PAM: variants seen among roughly 807,000 people sequenced by gnomAD.
PAM encodes the protein peptidyl-glycine alpha-amidating monooxygenase.
A neutral mutation model predicts 122.1 loss-of-function variants in PAM; 72 were observed. That is an observed-to-expected ratio of 0.59 (90% CI 0.49 to 0.72). The LOEUF (loss-of-function observed/expected upper bound fraction) is 0.72. Ranked by LOEUF, PAM falls within the 30% of genes least tolerant of loss-of-function variation. The pLI is 0.00. For missense variants in PAM, 1,106 were observed against 1,183.7 expected (o/e 0.93, Z 0.96); for synonymous variants, 389 against 404.4 (o/e 0.96, Z 0.46).
intron 1 of PAM, among the ~76,000 whole-genome samples, chr5:102,861,302 G>A (rs112311196): frequency 1.3e-4 from 20 of 152,250 alleles, no homozygotes; most frequent in African/African-American, 4.3e-4. Flanking sequence ...ACTATGTTTT[G>A]GGATAATTAG....
chr5:102,902,982 G>A (rs899671446), intron 4 of PAM, among the ~76,000 whole-genome samples: 13 of 151,326 alleles, frequency 8.6e-5, no homozygotes, highest in East Asian at 1.9e-4. Context: ...ATGTGTTTAC[G>A]TTCACATAAT....
chr5:102,786,879 T>A (rs1760691411), intron 1 of PAM, among the ~76,000 whole-genome samples: 1 of 152,160 alleles, frequency 6.6e-6, no homozygotes, highest in Non-Finnish European at 1.5e-5. Flanking sequence ...TATCAAAAGT[T>A]ATAAATAAGA....
chr5:103,025,084 G>GA, intron 23 of PAM, 47 bp from the exon 24 acceptor site: 1 of 1,408,874 alleles, frequency 7.1e-7, no homozygotes. Flanking sequence ...AGGGGGTTTT[G>GA]AAATCTTTGA....
intron 7 of PAM, among the ~76,000 whole-genome samples, chr5:102,944,706 C>T (rs550698697): frequency 1.6e-4 from 24 of 152,236 alleles, no homozygotes; most frequent in Non-Finnish European, 2.9e-4. Context: ...ACATTATCAA[C>T]TTCTTTACGG....
At chr5:102,859,436 A>G (rs1783523923) in intron 1 of PAM, among the ~76,000 whole-genome samples, 2 of 152,078 alleles carry the variant, frequency 1.3e-5, no homozygotes, top group South Asian at 4.2e-4. Flanking sequence ...AGCTTATAGA[A>G]TAAAGATATA....
chr5:102,926,827 A>C (rs558802832), intron 7 of PAM, among the ~76,000 whole-genome samples, 159 bp downstream of exon 7: 2 of 152,278 alleles, frequency 1.3e-5, no homozygotes, highest in African/African-American at 4.8e-5. Flanking sequence ...CTGTTGAAGG[A>C]ATGACTTTTA....
Position 102,998,494 on chromosome 5 carries a change from G to A in PAM, c.1614-4539G>A, listed in dbSNP as rs559673901. Among the ~76,000 whole-genome samples, 34 of 152,270 alleles carry A rather than the reference G, an allele frequency of 2.2e-4. No individual in the cohort carries two copies. The South Asian group carries it at 3.5e-3, about 16-fold the overall frequency. ...ATATAAAGTAGATAGCACTTGGCAA[G>A]AATTATGAATTGGAATTATGAATCA... On this transcript the variant is annotated intron_variant, in intron 16 of 25. Transcript: ENST00000438793.
Position 102,950,778 on chromosome 5 carries a change from G to A in PAM, c.863G>A (p.Cys288Tyr). 2.5e-6 allele frequency: 4 copies of A among 1,611,718 alleles called. No individual in the cohort carries two copies. The highest frequency in any genetic ancestry group is 2.2e-5 in the South Asian group (2 of 91,020). ...VSFGDLLAAR[C>Y]VFTGEGRTEA... ...TTTGGTGACCTACTGGCTGCAAGAT[G>A]TGTATTCACTGGTGAAGGAAGGACA... The change falls in exon 12 of 26, where the codon TGT becomes TAT. Residue 288 changes from cysteine to tyrosine, a missense_variant. By Grantham distance (194) the Cys-to-Tyr change is radical. Coordinates refer to ENST00000438793, the MANE Select transcript of PAM (RefSeq NM_001177306.2).
At chr5:102,818,490 A>G (rs1438191804) in intron 1 of PAM, among the ~76,000 whole-genome samples, 1 of 152,132 alleles carries the variant, frequency 6.6e-6, no homozygotes, top group African/African-American at 2.4e-5. Flanking sequence ...ACCTTGTCCC[A>G]GTGACGTCTT....
intron 1 of PAM, among the ~76,000 whole-genome samples, chr5:102,824,267 C>T (rs1772923615): frequency 6.6e-6 from 1 of 152,146 alleles, no homozygotes; most frequent in Non-Finnish European, 1.5e-5. Flanking sequence ...AACCAAATTC[C>T]GTGGCGAGGA....
At chr5:102,925,171 T>C in intron 6 of PAM, 129 bp downstream of exon 6, 1 of 646,392 alleles carries the variant, frequency 1.5e-6, no homozygotes, top group South Asian at 2.0e-5. Flanking sequence ...GTGAAAGTAC[T>C]TGCATTACCT....
intron 1 of PAM, among the ~76,000 whole-genome samples, chr5:102,832,144 C>A (rs2150446731): frequency 6.6e-6 from 1 of 152,244 alleles, no homozygotes; most frequent in East Asian, 1.9e-4. Context: ...TGTGTCATGG[C>A]ATTTGAGTCC....
intron 1 of PAM, among the ~76,000 whole-genome samples, chr5:102,783,936 A>G (rs1448552833): frequency 2.0e-5 from 3 of 148,356 alleles, no homozygotes; most frequent in African/African-American, 5.0e-5. Context: ...TCGCTCTGTC[A>G]CCCAGGCTGG....
chr5:102,823,456 GT>G (rs1772668648), intron 1 of PAM, among the ~76,000 whole-genome samples: 1 of 152,008 alleles, frequency 6.6e-6, no homozygotes, highest in African/African-American at 2.4e-5. Context: ...TTTCAAATAT[GT>G]GACCATCACA....
At chr5:102,791,093 C>T (rs190497128) in intron 1 of PAM, among the ~76,000 whole-genome samples, 1 of 152,186 alleles carries the variant, frequency 6.6e-6, no homozygotes. Flanking sequence ...TAAGTAGCTG[C>T]ATTACATTTT....
intron 21 of PAM, among the ~76,000 whole-genome samples, chr5:103,015,662 C>T (rs1461323975): frequency 1.3e-5 from 2 of 152,114 alleles, no homozygotes; most frequent in African/African-American, 4.8e-5. Flanking sequence ...AAGACAGAGT[C>T]CCATCTACCA....
At chr5:102,865,274 T>C (rs1785216415) in intron 1 of PAM, 1 of 152,246 alleles carries the variant, frequency 6.6e-6, no homozygotes. Context: ...GAGCTCTTGG[T>C]AGGAGATATC....
rs188828668 is a variant in PAM, at chr5:102,950,268, G to C, written c.801+290G>C. ...ATCACATTTATTCTGATTTTTATGGGATGCATTTGCTAATAGTATTTTTTT... is the reference window on the plus strand; with the variant it reads ...ATCACATTTATTCTGATTTTTATGGCATGCATTTGCTAATAGTATTTTTTT... On this transcript the variant is annotated intron_variant, in intron 11 of 25. Transcript: ENST00000438793. Among the ~76,000 whole-genome samples the C allele has an allele frequency of 1.7e-4, 26 of 152,158 alleles. No individual in the cohort carries two copies. The East Asian group carries it at 4.8e-3, about 28-fold the overall frequency.
chr5:102,786,956 C>A (rs1383131498), intron 1 of PAM, among the ~76,000 whole-genome samples: 4 of 151,962 alleles, frequency 2.6e-5, no homozygotes, highest in Non-Finnish European at 5.9e-5. Context: ...ATATATTTGA[C>A]CCCTGTAATG....
Sources: gnomAD v4.1 joint callset for allele counts (sites outside exome capture counted in the v4.1 genomes callset) on GRCh38, gnomAD v4.1.1 for gene constraint, MANE v1.5 for transcripts, NCBI Gene and HGNC (gene_info 2026-07-23, HGNC 2026-07-21) for gene names.